Variants in STAM2 observed in about 807,000 individuals in gnomAD.
The protein encoded by STAM2 is signal transducing adaptor molecule 2.
A neutral mutation model predicts 65.6 loss-of-function variants in STAM2; 51 were observed. That is an observed-to-expected ratio of 0.78 (90% confidence interval 0.62 to 0.98). The LOEUF (loss-of-function observed/expected upper bound fraction) is 0.98, where lower values mean the gene tolerates loss of function less well. Among genes scored for constraint, STAM2 ranks in the 50% least tolerant of loss-of-function variants. STAM2 has a pLI of 0.00. For synonymous variants in STAM2, 198 were observed against 208.4 expected, an observed-to-expected ratio of 0.95 and a Z score of 0.43; for missense variants, 584 against 617.8, an observed-to-expected ratio of 0.95 and a Z score of 0.58.
chr2:152,131,977 G>T, intron 11 of STAM2, 137 bp downstream of exon 11: 1 of 596,512 alleles, frequency 1.7e-6, no homozygotes, highest in Admixed American at 3.4e-5. Flanking sequence ...CTATAAATTT[G>T]TTAAAAGCCT....
chr2:152,133,393 G>T lies in STAM2; in HGVS notation c.882+9C>A. On this transcript the variant is annotated intron_variant, in intron 9 of 13. Transcript: ENST00000263904. ...ATAGTTTAACTATTAAACAAAAGAG[G>T]GACCCTACCTCATCTATATAAACAG... is the stretch of plus-strand genomic sequence containing the variant. The T allele has an allele frequency of 6.2e-7, 1 of 1,602,952 alleles. No individual in the cohort carries two copies. Among genetic ancestry groups the T allele is most frequent in the Non-Finnish European group, 8.5e-7 (1 of 1,173,334 alleles).
intron 1 of STAM2, among the ~76,000 whole-genome samples, chr2:152,167,980 G>A (rs1225045333): frequency 6.6e-6 from 1 of 150,716 alleles, no homozygotes; most frequent in Non-Finnish European, 1.5e-5. Context: ...CAAGGAAGGG[G>A]GAGAAGAAAA....
At chr2:152,174,095 G>A (rs966552943) in intron 1 of STAM2, among the ~76,000 whole-genome samples, 9 of 152,114 alleles carry the variant, frequency 5.9e-5, no homozygotes, top group Non-Finnish European at 2.9e-5. Flanking sequence ...GCAGGGAAAG[G>A]TTTAGAACAG....
At chr2:152,150,695 A>G (rs528261750) in intron 1 of STAM2, among the ~76,000 whole-genome samples, 7 of 152,294 alleles carry the variant, frequency 4.6e-5, no homozygotes, top group Non-Finnish European at 2.9e-5. Context: ...AATCTTAGCT[A>G]CTTGGGAGGC....
At chr2:152,161,494 T>TA (rs10714838) in intron 1 of STAM2, among the ~76,000 whole-genome samples, 2,263 of 103,532 alleles carry the variant, frequency 0.022, 34 homozygotes, top group Non-Finnish European at 0.024. Flanking sequence ...GAATGATCAA[T>TA]AAAAAAAAAA....
intron 1 of STAM2, among the ~76,000 whole-genome samples, chr2:152,172,578 G>C (rs183558605): frequency 8.9e-4 from 135 of 152,188 alleles, no homozygotes; most frequent in African/African-American, 2.8e-3. Flanking sequence ...TCAGAGAAGG[G>C]GGGGAGGAGG....
chr2:152,173,415 C>T (rs1343647688), intron 1 of STAM2, among the ~76,000 whole-genome samples: 3 of 97,868 alleles, frequency 3.1e-5, no homozygotes, highest in African/African-American at 1.0e-4. Context: ...TATTTTTTTT[C>T]GAGACGGAGT....
At chr2:152,131,902 T>C in intron 11 of STAM2, 1 of 528,834 alleles carries the variant, frequency 1.9e-6, no homozygotes, top group Non-Finnish European at 3.3e-6. Context: ...AAAATTTTTA[T>C]TTAATAAAAC....
At chr2:152,173,027 A>G (rs1437282426) in intron 1 of STAM2, among the ~76,000 whole-genome samples, 2 of 152,032 alleles carry the variant, frequency 1.3e-5, no homozygotes, top group East Asian at 3.8e-4. Flanking sequence ...TTGTAGCACT[A>G]TACTTATCGT....
chr2:152,175,556 G>A (rs1690001301), intron 1 of STAM2, 47 bp downstream of exon 1: 10 of 1,612,438 alleles, frequency 6.2e-6, no homozygotes, highest in Non-Finnish European at 8.5e-6. Context: ...ACAAACAGCA[G>A]TCCAGGGCCA....
At chr2:152,168,524 T>C (rs1689838555) in intron 1 of STAM2, among the ~76,000 whole-genome samples, 1 of 152,226 alleles carries the variant, frequency 6.6e-6, no homozygotes. Context: ...TAGAGACACA[T>C]CCACCTAACT....
chr2:152,131,212 T>G (rs1245607323), intron 11 of STAM2, among the ~76,000 whole-genome samples: 4 of 152,012 alleles, frequency 2.6e-5, no homozygotes, highest in Non-Finnish European at 5.9e-5. Flanking sequence ...TCCAGCACTT[T>G]GAGAGGCCAA....
intron 2 of STAM2, among the ~76,000 whole-genome samples, chr2:152,149,025 T>C (rs1201576660): frequency 6.6e-6 from 1 of 152,238 alleles, no homozygotes; most frequent in Non-Finnish European, 1.5e-5. Flanking sequence ...AATGCTTTCA[T>C]CACTCTTCTA....
chr2:152,161,150 C>G (rs1689665499), intron 1 of STAM2, among the ~76,000 whole-genome samples: 1 of 152,000 alleles, frequency 6.6e-6, no homozygotes, highest in South Asian at 2.1e-4. Context: ...TTGTTCTGTA[C>G]TAAGAAAAAT....
chr2:152,125,193 A>G (rs1343685284), intron 12 of STAM2, among the ~76,000 whole-genome samples: 1 of 152,224 alleles, frequency 6.6e-6, no homozygotes, highest in African/African-American at 2.4e-5. Context: ...AACAACTCTG[A>G]AAACAGAAGC....
Position 152,158,726 on chromosome 2 carries a change from G to T in STAM2, c.41-8497C>A, listed in dbSNP as rs562925787. Among the ~76,000 whole-genome samples, 5 of 152,260 alleles carry T rather than the reference G, an allele frequency of 3.3e-5. No homozygotes were observed. In the South Asian group the frequency reaches 1.0e-3, roughly 32 times the overall value. On this transcript the variant is annotated intron_variant, in intron 1 of 13. Coordinates refer to ENST00000263904, the MANE Select transcript of STAM2 (RefSeq NM_005843.6). ...GAAATTTATTTCTCACAGTTCTGGA[G>T]GCTGGAAAATCGAAGATCAAAGCAC...
chr2:152,172,724 A>T (rs183621439), intron 1 of STAM2, among the ~76,000 whole-genome samples: 2 of 152,034 alleles, frequency 1.3e-5, no homozygotes, highest in African/African-American at 2.4e-5. Flanking sequence ...ACAAAAAATT[A>T]GCCAGGTGTG....
At position 152,147,239 on chromosome 2, in the gene STAM2, G is replaced by T; in HGVS notation, c.370C>A (p.Pro124Thr). The T allele has an allele frequency of 6.2e-7, 1 of 1,611,176 alleles. No individual in the cohort carries two copies. Among genetic ancestry groups the T allele is most frequent in the East Asian group, 2.2e-5 (1 of 44,626 alleles). The change falls in exon 5 of 14, where the codon CCT (proline) becomes ACT (threonine). Residue 124 changes from proline (P) to threonine (T), a missense_variant. By Grantham distance (38) the Pro-to-Thr change is conservative. Coordinates refer to ENST00000263904, the MANE Select transcript of STAM2 (RefSeq NM_005843.6). ...VEWSEEFQKD[P>T]QFSLISATIK... ...GTTGCAGATATCAGACTAAACTGAG[G>T]GTCCTTCTGAAATTCTTCTGACCAC...
At chr2:152,165,400 C>G (rs1689758412) in intron 1 of STAM2, among the ~76,000 whole-genome samples, 1 of 151,934 alleles carries the variant, frequency 6.6e-6, no homozygotes, top group Admixed American at 6.6e-5. Context: ...CACTGCACTC[C>G]AGCCTGGGCA....
Sources: gnomAD v4.1 joint callset for allele counts (sites outside exome capture counted in the v4.1 genomes callset) on GRCh38, gnomAD v4.1.1 for gene constraint, MANE v1.5 for transcripts, NCBI Gene and HGNC (gene_info 2026-07-23, HGNC 2026-07-21) for gene names.